The following ST7 variants were observed in gnomAD, a reference collection of about 807,000 sequenced individuals.
ST7 encodes suppression of tumorigenicity 7.
In ST7, 28 loss-of-function variants were observed where a neutral mutation model predicts 78.7. That is an observed-to-expected ratio of 0.36 (90% CI 0.26 to 0.49). The LOEUF (loss-of-function observed/expected upper bound fraction) is 0.49, where lower values mean the gene tolerates loss of function less well. Ranked by LOEUF, ST7 falls within the 20% of genes least tolerant of loss-of-function variation. The pLI, the probability that ST7 is intolerant of heterozygous loss-of-function variation, is 0.99. For synonymous variants in ST7, 247 were observed against 249.6 expected (o/e 0.99, Z 0.10); for missense variants, 418 against 696.0 (o/e 0.60, Z 4.49).
intron 10 of ST7, among the ~76,000 whole-genome samples, chr7:117,181,090 G>A (rs921421949): frequency 5.9e-5 from 9 of 152,038 alleles, no homozygotes; most frequent in Non-Finnish European, 1.2e-4. Flanking sequence ...AAAATGGTTC[G>A]TGAAGGATGA....
rs1269271995 is a variant in ST7 at position 117,097,892 on chromosome 7, ATATATATATATATATAT to A, written c.152-1868_152-1852del. Among the ~76,000 whole-genome samples, 2 of 20,698 alleles carry A rather than the reference ATATATATATATATATAT, an allele frequency of 9.7e-5. 1 individual carries two copies. The highest frequency in any genetic ancestry group is 1.8e-4 in the Non-Finnish European group (2 of 10,872). 13.6% of individuals were successfully genotyped at this position (20,698 alleles called of 152,430 possible). A position where few individuals can be genotyped will look rare whatever the true frequency, so the allele number is the denominator to read the frequency against. On this transcript the variant is annotated intron_variant, in intron 1 of 15. Transcript: ENST00000323984. ...ATATGACATATCACTATATATATAT[ATATATATATATATATAT>A]TTTTTTTTTTTTTTTTTTTGATGGC...
At chr7:117,156,987 C>CT (rs1161730161) in intron 9 of ST7, among the ~76,000 whole-genome samples, 4 of 152,092 alleles carry the variant, frequency 2.6e-5, no homozygotes, top group African/African-American at 9.7e-5. Flanking sequence ...AGGTAAAACA[C>CT]TAAGAGTCTA....
chr7:117,170,139 A>T (rs1807880097), intron 9 of ST7, among the ~76,000 whole-genome samples: 1 of 152,150 alleles, frequency 6.6e-6, no homozygotes. Flanking sequence ...CTGTTGGCAA[A>T]GTTACCGGTG....
intron 10 of ST7, among the ~76,000 whole-genome samples, chr7:117,178,997 C>G (rs962898909): frequency 2.0e-5 from 3 of 152,112 alleles, no homozygotes; most frequent in African/African-American, 7.2e-5. Flanking sequence ...TTCTACTTTT[C>G]TTCAACCTTG....
At chr7:117,013,279 T>G (rs1795459524) in intron 1 of ST7, among the ~76,000 whole-genome samples, 1 of 152,240 alleles carries the variant, frequency 6.6e-6, no homozygotes, top group Non-Finnish European at 1.5e-5. Context: ...TTTGCACATC[T>G]TAATTATCAG....
chr7:116,954,699 GTTTTAAA>G lies in ST7; in HGVS notation c.151+1015_151+1021del, dbSNP rs570450649. The G allele has an allele frequency of 4.4e-3, 680 of 154,054 alleles. 20 individuals are homozygous for G. The highest frequency in any genetic ancestry group is 0.042 in the Admixed American group (651 of 15,556). 9.5% of individuals were successfully genotyped at this position (154,054 alleles called of 1,614,324 possible). A position where few individuals can be genotyped will look rare whatever the true frequency, so the allele number is the denominator to read the frequency against. The stretch of plus-strand genomic sequence containing the variant: ...TTCAAGGTAGAGTGTTTTTGTTTTT[GTTTTAAA>G]TTTTAATTTCACAGTACTGGGAAAT... On this transcript the variant is annotated intron_variant, in intron 1 of 15. Coordinates refer to ENST00000323984, the MANE Select transcript of ST7 (RefSeq NM_001369598.1).
chr7:117,218,341 A>G (rs914661502), intron 13 of ST7, among the ~76,000 whole-genome samples: 4 of 152,156 alleles, frequency 2.6e-5, no homozygotes, highest in Admixed American at 6.5e-5. Context: ...TGCTGATGAC[A>G]TTGTAACAGG....
At chr7:117,114,346 C>T (rs890064895) in intron 2 of ST7, among the ~76,000 whole-genome samples, 5 of 151,880 alleles carry the variant, frequency 3.3e-5, no homozygotes, top group African/African-American at 1.2e-4. Context: ...ACAGGTATTA[C>T]TGTAACACAT....
At chr7:117,199,967 C>T (rs1050619235) in intron 12 of ST7, among the ~76,000 whole-genome samples, 3 of 152,162 alleles carry the variant, frequency 2.0e-5, no homozygotes, top group African/African-American at 7.2e-5. Context: ...CCACTCAACT[C>T]TGAAAACCTT....
At chr7:117,135,127 G>A (rs1184908389) in intron 7 of ST7, among the ~76,000 whole-genome samples, 2 of 152,052 alleles carry the variant, frequency 1.3e-5, no homozygotes, top group Admixed American at 6.6e-5. Flanking sequence ...GATGGGTGCA[G>A]GACCTGCGTG....
intron 9 of ST7, among the ~76,000 whole-genome samples, chr7:117,143,409 A>G (rs1176826952): frequency 6.6e-6 from 1 of 152,178 alleles, no homozygotes; most frequent in Middle Eastern, 3.2e-3. Context: ...TAGTTTCCCT[A>G]AAATCTCATA....
At chr7:117,224,047 C>T (rs1793288247) in intron 15 of ST7, 3 of 517,954 alleles carry the variant, frequency 5.8e-6, no homozygotes, top group Non-Finnish European at 7.4e-6. Flanking sequence ...TTAATAGCAA[C>T]CCTGAGTGGA....
intron 9 of ST7, among the ~76,000 whole-genome samples, chr7:117,140,771 A>T (rs1165760888): frequency 6.6e-6 from 1 of 152,146 alleles, no homozygotes; most frequent in Non-Finnish European, 1.5e-5. Flanking sequence ...TTCTGGGTTT[A>T]TGGAGCATCC....
chr7:117,185,197 A>G (rs1809141122), intron 10 of ST7, among the ~76,000 whole-genome samples: 1 of 152,218 alleles, frequency 6.6e-6, no homozygotes, highest in Admixed American at 6.5e-5. Context: ...CATACTGTAA[A>G]TAGAACACAC....
intron 10 of ST7, among the ~76,000 whole-genome samples, chr7:117,171,427 A>G (rs1454354883): frequency 1.3e-5 from 2 of 152,078 alleles, no homozygotes; most frequent in African/African-American, 2.4e-5. Context: ...TCCCTTGCAC[A>G]TGTGGCAATT....
intron 1 of ST7, chr7:116,965,999 C>T (rs1200622530): frequency 1.5e-5 from 6 of 399,250 alleles, no homozygotes; most frequent in Non-Finnish European, 2.5e-5. Context: ...ATGTCTTGAA[C>T]GTGGTTCATT....
intron 1 of ST7, among the ~76,000 whole-genome samples, chr7:117,046,711 T>A (rs1797511152): frequency 6.6e-6 from 1 of 152,130 alleles, no homozygotes; most frequent in Non-Finnish European, 1.5e-5. Flanking sequence ...TAATGGGTAA[T>A]GGAAACACTT....
chr7:117,130,685 A>G, intron 5 of ST7, 79 bp downstream of exon 5: 2 of 907,096 alleles, frequency 2.2e-6, no homozygotes, highest in South Asian at 1.5e-5. Context: ...TAGAATATCC[A>G]CTCTGTAAAA....
At chr7:117,001,530 C>T (rs2116447230) in intron 1 of ST7, among the ~76,000 whole-genome samples, 1 of 152,236 alleles carries the variant, frequency 6.6e-6, no homozygotes, top group East Asian at 1.9e-4. Context: ...GATAAAATTG[C>T]AGGATCAGGC....
Sources: allele counts gnomAD v4.1 joint callset (sites outside exome capture counted in the v4.1 genomes callset), GRCh38; gene constraint gnomAD v4.1.1; transcripts MANE v1.5; gene names NCBI Gene and HGNC (gene_info 2026-07-23, HGNC 2026-07-21).